Variants in UMAD1 observed in about 807,000 individuals in gnomAD.
UMAD1 encodes the protein UBAP1-MVB12-associated (UMA) domain containing 1, also known as UBAP1-MVB12-associated (UMA)-domain containing protein 1.
In UMAD1, 8 loss-of-function variants were observed where a neutral mutation model predicts 6.1. The ratio of observed to expected loss-of-function variants is 1.30; its 90% CI spans 0.76 to 2.35. The LOEUF (loss-of-function observed/expected upper bound fraction) is 2.35, where lower values mean the gene tolerates loss of function less well. Ranked by LOEUF, UMAD1 falls within the 30% of genes most tolerant of loss-of-function variation. The pLI, the probability that UMAD1 is intolerant of heterozygous loss-of-function variation, is 0.00. For missense variants in UMAD1, 130 were observed against 78.4 expected (o/e 1.66, Z -2.49); for synonymous variants, 56 against 31.4 (o/e 1.78, Z -2.61).
chr7:7,832,292 C>T (rs905061149), intron 3 of UMAD1, among the ~76,000 whole-genome samples: 1 of 152,186 alleles, frequency 6.6e-6, no homozygotes, highest in Admixed American at 6.5e-5. Flanking sequence ...ATATTTTCCA[C>T]AGACTGCATT....
At chr7:7,717,749 A>G (rs931035158) in intron 2 of UMAD1, among the ~76,000 whole-genome samples, 9 of 152,224 alleles carry the variant, frequency 5.9e-5, no homozygotes, top group Admixed American at 2.0e-4. Context: ...TTGTCATTGT[A>G]TAGTTCAGGA....
intron 2 of UMAD1, among the ~76,000 whole-genome samples, chr7:7,718,920 A>T (rs1780986916): frequency 6.9e-6 from 1 of 145,048 alleles, no homozygotes; most frequent in Admixed American, 6.7e-5. Flanking sequence ...TTCCCAAGTG[A>T]TTTTGACCAT....
intron 3 of UMAD1, among the ~76,000 whole-genome samples, chr7:7,863,239 C>G (rs1784147526): frequency 6.6e-6 from 1 of 152,180 alleles, no homozygotes; most frequent in South Asian, 2.1e-4. Flanking sequence ...GTGTGATAGT[C>G]ACTAACCTCT....
At chr7:7,825,001 T>C (rs966698536) in intron 3 of UMAD1, among the ~76,000 whole-genome samples, 2 of 152,142 alleles carry the variant, frequency 1.3e-5, no homozygotes, top group African/African-American at 4.8e-5. Flanking sequence ...GGGGTGGTCA[T>C]GGGTAGCATT....
intron 2 of UMAD1, chr7:7,772,577 C>T (rs1782122578): frequency 6.6e-6 from 1 of 152,110 alleles, no homozygotes; most frequent in African/African-American, 2.4e-5. Context: ...TTCCAGTGTA[C>T]TGGAGGCTTG....
At chr7:7,722,195 C>CTATATAGA (rs978807217) in intron 2 of UMAD1, among the ~76,000 whole-genome samples, 1 of 148,582 alleles carries the variant, frequency 6.7e-6, no homozygotes, top group Non-Finnish European at 1.5e-5. Context: ...ATCTATATAT[C>CTATATAGA]TATATAGATA....
intron 3 of UMAD1, among the ~76,000 whole-genome samples, chr7:7,835,633 A>G (rs1783554268): frequency 6.6e-6 from 1 of 151,860 alleles, no homozygotes; most frequent in South Asian, 2.1e-4. Context: ...AAAACACAAT[A>G]GTATGCTAAC....
intron 2 of UMAD1, among the ~76,000 whole-genome samples, chr7:7,730,142 G>T (rs894096478): frequency 1.3e-5 from 2 of 152,112 alleles, no homozygotes; most frequent in African/African-American, 2.4e-5. Context: ...ATGTATCTTT[G>T]CTTTCCAGTT....
intron 3 of UMAD1, among the ~76,000 whole-genome samples, chr7:7,802,612 G>T (rs1017841965): frequency 6.6e-6 from 1 of 152,148 alleles, no homozygotes; most frequent in Non-Finnish European, 1.5e-5. Flanking sequence ...GACTTAAGGG[G>T]AATGTTAAGT....
intron 1 of UMAD1, among the ~76,000 whole-genome samples, chr7:7,671,111 A>G (rs1171459189): frequency 6.6e-6 from 1 of 152,210 alleles, no homozygotes; most frequent in Non-Finnish European, 1.5e-5. Flanking sequence ...AGCATTCAAT[A>G]ATCATATTAC....
intron 3 of UMAD1, among the ~76,000 whole-genome samples, chr7:7,839,931 G>A (rs967608204): frequency 2.0e-5 from 3 of 152,232 alleles, no homozygotes; most frequent in Admixed American, 6.5e-5. Context: ...CAGGTTTGCA[G>A]TTGGCAGAAA....
At chr7:7,756,328 G>A (rs1781774710) in intron 2 of UMAD1, among the ~76,000 whole-genome samples, 1 of 152,138 alleles carries the variant, frequency 6.6e-6, no homozygotes, top group Admixed American at 6.6e-5. Context: ...AAGTGTGAGT[G>A]GTTCTGAACT....
At chr7:7,820,596 A>G (rs567037086) in intron 3 of UMAD1, among the ~76,000 whole-genome samples, 8 of 152,296 alleles carry the variant, frequency 5.3e-5, no homozygotes, top group Non-Finnish European at 1.2e-4. Flanking sequence ...GCTCCTCAAA[A>G]TGGCCTGTCA....
chr7:7,875,189 CA>C (rs1276724155), intron 3 of UMAD1, among the ~76,000 whole-genome samples: 1 of 152,156 alleles, frequency 6.6e-6, no homozygotes, highest in Non-Finnish European at 1.5e-5. Context: ...ACAGCTAAAG[CA>C]GTGTGTAGAG....
chr7:7,846,478 T>C (rs924756467), intron 3 of UMAD1, among the ~76,000 whole-genome samples: 1 of 152,150 alleles, frequency 6.6e-6, no homozygotes, highest in African/African-American at 2.4e-5. Flanking sequence ...GGAGATACTT[T>C]CATTACAAAT....
At chr7:7,860,722 C>A (rs1344286113) in intron 3 of UMAD1, among the ~76,000 whole-genome samples, 3 of 150,164 alleles carry the variant, frequency 2.0e-5, no homozygotes, top group Non-Finnish European at 3.0e-5. Flanking sequence ...TTGCAGTGAG[C>A]CAAGATTGCA....
intron 1 of UMAD1, chr7:7,641,232 C>G (rs190163906): frequency 6.6e-6 from 1 of 152,330 alleles, no homozygotes; most frequent in East Asian, 1.9e-4. Context: ...CCCAACCTGG[C>G]CACACTGCGG....
chr7:7,841,790 T>G (rs891715080), intron 3 of UMAD1, among the ~76,000 whole-genome samples: 3 of 115,728 alleles, frequency 2.6e-5, no homozygotes, highest in Non-Finnish European at 6.7e-5. Flanking sequence ...ATGAGATACA[T>G]CTCTCTCTTT....
intron 1 of UMAD1, among the ~76,000 whole-genome samples, chr7:7,656,270 A>G (rs1785339726): frequency 6.6e-6 from 1 of 152,170 alleles, no homozygotes; most frequent in South Asian, 2.1e-4. Context: ...AACAATGTAA[A>G]GTCTCTTGCT....
Sources: allele counts gnomAD v4.1 joint callset (sites outside exome capture counted in the v4.1 genomes callset), GRCh38; gene constraint gnomAD v4.1.1; transcripts MANE v1.5; gene names NCBI Gene and HGNC (gene_info 2026-07-23, HGNC 2026-07-21).